PDE8B: variants seen among roughly 807,000 people sequenced by gnomAD.
PDE8B encodes the protein high affinity cAMP-specific and IBMX-insensitive 3',5'-cyclic phosphodiesterase 8B.
In PDE8B, 26 loss-of-function variants were observed where a neutral mutation model predicts 101.3. The ratio of observed to expected loss-of-function variants is 0.26; its 90% confidence interval spans 0.19 to 0.36. The LOEUF (loss-of-function observed/expected upper bound fraction) is 0.36, where lower values mean the gene tolerates loss of function less well. PDE8B is among the 10% of genes least tolerant of loss of function. PDE8B has a pLI of 1.00. For synonymous variants in PDE8B, 424 were observed against 429.3 expected, an observed-to-expected ratio of 0.99 and a Z score of 0.15; for missense variants, 810 against 1,163.1, an observed-to-expected ratio of 0.70 and a Z score of 4.42.
At chr5:77,416,279 T>C (rs1795543835) in intron 17 of PDE8B, among the ~76,000 whole-genome samples, 1 of 152,198 alleles carries the variant, frequency 6.6e-6, no homozygotes, top group South Asian at 2.1e-4. Flanking sequence ...ATCTATTTCA[T>C]TGAAGAATTA....
At chr5:77,417,575 C>T (rs944244441) in intron 17 of PDE8B, among the ~76,000 whole-genome samples, 2 of 152,168 alleles carry the variant, frequency 1.3e-5, no homozygotes, top group African/African-American at 4.8e-5. Flanking sequence ...ACACTTGTAT[C>T]CCCGGATGCT....
chr5:77,370,599 T>C (rs1248376545), intron 10 of PDE8B, among the ~76,000 whole-genome samples: 2 of 152,392 alleles, frequency 1.3e-5, no homozygotes, highest in East Asian at 1.9e-4. Context: ...TGAGCTATTA[T>C]GAATAAAGCT....
Position 77,320,245 on chromosome 5 carries a change from A to T in PDE8B, c.400-5294A>T, listed in dbSNP as rs867512945. On this transcript the variant is annotated intron_variant, in intron 2 of 21. Transcript: ENST00000264917. ...CCGAAAAGTGAAAAATGTACCCACT[A>T]CGTAAGTTTTCAACCCTCGTGCATG... is the stretch of plus-strand genomic sequence containing the variant. Among the ~76,000 whole-genome samples the T allele has an allele frequency of 2.0e-5, 3 of 152,322 alleles. No individual in the cohort carries two copies. In the South Asian group the frequency reaches 6.2e-4, roughly 32 times the overall value.
chr5:77,223,537 A>C (rs1180850799), intron 1 of PDE8B, among the ~76,000 whole-genome samples: 3 of 151,980 alleles, frequency 2.0e-5, no homozygotes, highest in African/African-American at 7.3e-5. Context: ...CGGAGGAAGA[A>C]AGTGAAATTT....
At chr5:77,164,093 G>A in the PDE8B span, among the ~76,000 whole-genome samples, 1 of 152,260 alleles carries the variant, frequency 6.6e-6, no homozygotes, top group Admixed American at 6.5e-5. Context: ...GGAAGAAGAA[G>A]AGGGAGTGAA....
chr5:77,315,298 C>A (rs1221420880), intron 2 of PDE8B, among the ~76,000 whole-genome samples: 4 of 152,124 alleles, frequency 2.6e-5, no homozygotes. Context: ...AATTTTAGAT[C>A]TGTAATCTAC....
At position 77,397,026 on chromosome 5, in the gene PDE8B, A is replaced by ATTTTTTTTTTTTTTTTTTTTTT. The variant is rs71606290; in HGVS notation, c.1168-3219_1168-3198dup. On this transcript the variant is annotated intron_variant, in intron 10 of 21. Coordinates refer to ENST00000264917, the MANE Select transcript of PDE8B (RefSeq NM_003719.5). ...TTGGTTTCTATATTTCCGATAAGAA[A>ATTTTTTTTTTTTTTTTTTTTTT]TTTTTTTTTTTTTTTTTTTTTTTTG... Among the ~76,000 whole-genome samples the ATTTTTTTTTTTTTTTTTTTTTT allele has an allele frequency of 5.9e-4, 50 of 84,400 alleles. 6 individuals carry two copies. The highest frequency in any genetic ancestry group is 1.6e-3 in the African/African-American group (29 of 18,228). 55.4% of individuals were successfully genotyped at this position (84,400 alleles called of 152,430 possible).
intron 10 of PDE8B, among the ~76,000 whole-genome samples, chr5:77,371,086 A>G (rs1392596411): frequency 6.6e-6 from 1 of 152,172 alleles, no homozygotes; most frequent in Non-Finnish European, 1.5e-5. Flanking sequence ...TCACTCTGTG[A>G]GTTTCCTATT....
intron 5 of PDE8B, among the ~76,000 whole-genome samples, chr5:77,335,300 A>T (rs1056381637): frequency 2.0e-5 from 3 of 152,314 alleles, no homozygotes; most frequent in Admixed American, 6.5e-5. Flanking sequence ...TTATAGGCTG[A>T]TATATAGCTT....
intron 1 of PDE8B, among the ~76,000 whole-genome samples, chr5:77,259,470 G>A (rs1760032224): frequency 2.0e-5 from 3 of 152,178 alleles, no homozygotes; most frequent in Admixed American, 2.0e-4. Flanking sequence ...GTGGCAACTT[G>A]TGGAGGCCTA....
the PDE8B span, among the ~76,000 whole-genome samples, chr5:77,152,346 A>G: frequency 0.024 from 3,688 of 152,238 alleles, 135 homozygotes; most frequent in African/African-American, 0.083. Flanking sequence ...ATCAACTGAA[A>G]ATGTTTACTT....
chr5:77,132,382 T>G, the PDE8B span, among the ~76,000 whole-genome samples: 2 of 152,212 alleles, frequency 1.3e-5, no homozygotes, highest in Non-Finnish European at 2.9e-5. Flanking sequence ...ATTCACTTTC[T>G]TCTTCCCATT....
chr5:77,295,146 A>G (rs943446554), intron 1 of PDE8B, among the ~76,000 whole-genome samples: 1 of 152,200 alleles, frequency 6.6e-6, no homozygotes, highest in African/African-American at 2.4e-5. Flanking sequence ...GCTTTAAGCC[A>G]GGAAATACTG....
intron 2 of PDE8B, among the ~76,000 whole-genome samples, chr5:77,314,542 T>C (rs1333372801): frequency 1.3e-5 from 2 of 152,158 alleles, no homozygotes; most frequent in African/African-American, 4.8e-5. Flanking sequence ...CTTTCTATTT[T>C]GCAGGATCTT....
At chr5:77,116,284 T>C in the PDE8B span, among the ~76,000 whole-genome samples, 2 of 141,890 alleles carry the variant, frequency 1.4e-5, no homozygotes, top group Non-Finnish European at 3.0e-5. Flanking sequence ...CAGGCTGGAG[T>C]GCAGTGGCAC....
At chr5:77,305,314 A>G (rs535178822) in intron 1 of PDE8B, among the ~76,000 whole-genome samples, 1 of 152,330 alleles carries the variant, frequency 6.6e-6, no homozygotes, top group South Asian at 2.1e-4. Flanking sequence ...AGGAAGGAGA[A>G]GGGAAGCTCA....
intron 1 of PDE8B, among the ~76,000 whole-genome samples, chr5:77,237,458 A>G (rs1173543496): frequency 6.6e-6 from 1 of 152,130 alleles, no homozygotes; most frequent in Admixed American, 6.5e-5. Flanking sequence ...TTAACTTTTC[A>G]TAGTGAACTT....
At chr5:77,420,048 G>C (rs1272779161) in intron 19 of PDE8B, among the ~76,000 whole-genome samples, 161 bp downstream of exon 19, 2 of 152,144 alleles carry the variant, frequency 1.3e-5, no homozygotes, top group African/African-American at 4.8e-5. Context: ...CCTTGGGGAT[G>C]AAAATAAACT....
intron 10 of PDE8B, among the ~76,000 whole-genome samples, chr5:77,376,741 T>TA (rs1786210132): frequency 6.6e-6 from 1 of 152,236 alleles, no homozygotes; most frequent in South Asian, 2.1e-4. Context: ...TTCCCTGTGC[T>TA]GTCCCCTCGC....
Sources: allele counts gnomAD v4.1 joint callset (sites outside exome capture counted in the v4.1 genomes callset), GRCh38; gene constraint gnomAD v4.1.1; transcripts MANE v1.5; gene names NCBI Gene and HGNC (gene_info 2026-07-23, HGNC 2026-07-21).